PARD3B: variants seen among roughly 807,000 people sequenced by gnomAD.
PARD3B encodes partitioning defective 3 homolog B.
PARD3B carries 103 observed loss-of-function variants against 130.2 expected under a neutral mutation model. That is an observed-to-expected ratio of 0.79 (90% confidence interval 0.67 to 0.93). The LOEUF (loss-of-function observed/expected upper bound fraction) is 0.93. PARD3B is among the 40% of genes least tolerant of loss of function. The pLI is 0.00. For synonymous variants in PARD3B, 583 were observed against 553.2 expected, an observed-to-expected ratio of 1.05 and a Z score of -0.76; for missense variants, 1,609 against 1,499.2, an observed-to-expected ratio of 1.07 and a Z score of -1.21.
intron 1 of PARD3B, among the ~76,000 whole-genome samples, chr2:204,605,640 T>C (rs566134564): frequency 6.6e-6 from 1 of 152,206 alleles, no homozygotes; most frequent in African/African-American, 2.4e-5. Flanking sequence ...AGAGTGAGAC[T>C]CTCTGGGTTC....
intron 1 of PARD3B, among the ~76,000 whole-genome samples, chr2:204,612,936 A>G (rs137992829): frequency 2.0e-5 from 3 of 152,006 alleles, no homozygotes; most frequent in African/African-American, 2.4e-5. Context: ...CTCTCTTCCT[A>G]TGCATCCTGC....
At chr2:205,069,668 G>A (rs1313571222) in intron 4 of PARD3B, among the ~76,000 whole-genome samples, 1 of 152,004 alleles carries the variant, frequency 6.6e-6, no homozygotes, top group African/African-American at 2.4e-5. Context: ...CTTACCCTGG[G>A]TTGTCTGAAA....
chr2:205,233,221 T>C (rs898406607), intron 15 of PARD3B, among the ~76,000 whole-genome samples: 2 of 152,174 alleles, frequency 1.3e-5, no homozygotes, highest in Non-Finnish European at 2.9e-5. Flanking sequence ...TGTAACAGTA[T>C]CTTTAAAATA....
At chr2:205,489,328 GC>G (rs2049575303) in intron 20 of PARD3B, among the ~76,000 whole-genome samples, 1 of 151,864 alleles carries the variant, frequency 6.6e-6, no homozygotes, top group South Asian at 2.1e-4. Flanking sequence ...GGGGCTGGGT[GC>G]AGTGGCTTAC....
chr2:204,548,929 G>A (rs1220492454), intron 1 of PARD3B, among the ~76,000 whole-genome samples: 1 of 152,208 alleles, frequency 6.6e-6, no homozygotes, highest in African/African-American at 2.4e-5. Context: ...CTGAGGCACT[G>A]AGTAATGTAG....
rs1034481225 is a variant in PARD3B, at chr2:204,952,580, A to G, written c.223-12572A>G. Among the ~76,000 whole-genome samples, 16 of 152,376 alleles carry G rather than the reference A, an allele frequency of 1.1e-4. No individual in the cohort carries two copies. In the East Asian group the frequency reaches 1.5e-3, roughly 15 times the overall value. ...ATTTGCAAAAATAAAAGACAACTTC[A>G]GTATACTTAAAATAAAAAGTACTTA... On this transcript the variant is annotated intron_variant, in intron 2 of 22. Transcript: ENST00000406610.
At chr2:205,032,531 A>T (rs1697499631) in intron 3 of PARD3B, among the ~76,000 whole-genome samples, 1 of 152,164 alleles carries the variant, frequency 6.6e-6, no homozygotes, top group Non-Finnish European at 1.5e-5. Flanking sequence ...GTCTCTATAC[A>T]GGAAAGAATC....
intron 22 of PARD3B, among the ~76,000 whole-genome samples, chr2:205,559,805 G>A (rs112263651): frequency 0.039 from 5,979 of 151,990 alleles, 190 homozygotes; most frequent in Non-Finnish European, 0.059. Flanking sequence ...CACCATGTTG[G>A]CCAGGGTGGT....
At chr2:204,676,228 T>C (rs2036536111) in intron 1 of PARD3B, among the ~76,000 whole-genome samples, 1 of 152,106 alleles carries the variant, frequency 6.6e-6, no homozygotes, top group Non-Finnish European at 1.5e-5. Flanking sequence ...AGGCTTTTTT[T>C]TCCCCCCTAC....
At chr2:204,618,526 G>A (rs901830787) in intron 1 of PARD3B, among the ~76,000 whole-genome samples, 1 of 152,196 alleles carries the variant, frequency 6.6e-6, no homozygotes, top group South Asian at 2.1e-4. Flanking sequence ...AACAGTGACA[G>A]TGTCACCTGA....
In PARD3B at chr2:205,473,388, T is replaced by G. The variant is rs531010469; in HGVS notation, c.3045-26508T>G. Among the ~76,000 whole-genome samples the G allele has an allele frequency of 1.1e-4, 17 of 152,224 alleles. No homozygotes were observed. The South Asian group carries it at 3.5e-3, about 32-fold the overall frequency. ...GACAACCAACAAAGTAATGAGATTC[T>G]GTGTTATGGTAGCTGTCACATCTTG... On this transcript the variant is annotated intron_variant, in intron 20 of 22. Transcript: ENST00000406610. The surrounding 1 kb of genome is among the most constrained non-coding windows in gnomAD (Gnocchi z 4.9).
At chr2:205,581,204 A>C (rs1419560183) in intron 22 of PARD3B, among the ~76,000 whole-genome samples, 1 of 147,350 alleles carries the variant, frequency 6.8e-6, no homozygotes, top group Non-Finnish European at 1.5e-5. Context: ...CAACAAATAA[A>C]TGGATAAAGA....
intron 2 of PARD3B, among the ~76,000 whole-genome samples, chr2:204,802,433 C>T (rs779421803): frequency 5.3e-5 from 8 of 152,064 alleles, no homozygotes; most frequent in Non-Finnish European, 7.4e-5. Flanking sequence ...GACAGTGTGG[C>T]GATTCCTCAA....
chr2:204,812,557 G>A (rs558827782), intron 2 of PARD3B, among the ~76,000 whole-genome samples: 40 of 152,174 alleles, frequency 2.6e-4, no homozygotes, highest in African/African-American at 6.7e-4. Flanking sequence ...CCCTTGGAGC[G>A]GGCTGTCTGC....
intron 2 of PARD3B, among the ~76,000 whole-genome samples, chr2:204,770,942 C>T (rs187065519): frequency 1.7e-3 from 255 of 152,194 alleles, no homozygotes; most frequent in Non-Finnish European, 1.6e-3. Flanking sequence ...TAACAAATAA[C>T]TTGCAGATTG....
At chr2:204,790,410 C>A (rs1309754803) in intron 2 of PARD3B, among the ~76,000 whole-genome samples, 1 of 152,168 alleles carries the variant, frequency 6.6e-6, no homozygotes, top group African/African-American at 2.4e-5. Flanking sequence ...TTTTGATAAA[C>A]CAGCAAAATC....
chr2:205,568,111 G>A lies in PARD3B; in HGVS notation c.3260+14708G>A, dbSNP rs201191734. On this transcript the variant is annotated intron_variant, in intron 22 of 22. Coordinates refer to ENST00000406610, the MANE Select transcript of PARD3B (RefSeq NM_001302769.2). This position sits in a 1 kb window ranked among gnomAD's most constrained non-coding sequence, Gnocchi z 5.3. The stretch of plus-strand genomic sequence containing the variant: ...CAGCACAGATGCTTGGATAAGGACC[G>A]TAGTGGACAGAAGTGCTGCAGTGAT... Among the ~76,000 whole-genome samples, 31 of 152,330 alleles carry A rather than the reference G, an allele frequency of 2.0e-4. No individual in the cohort carries two copies. The East Asian group carries it at 3.5e-3, about 17-fold the overall frequency.
At chr2:204,680,541 T>G (rs1409049566) in intron 1 of PARD3B, among the ~76,000 whole-genome samples, 1 of 152,076 alleles carries the variant, frequency 6.6e-6, no homozygotes, top group Non-Finnish European at 1.5e-5. Flanking sequence ...TTTATTTCAT[T>G]GTTCTTTGCT....
At chr2:204,792,600 C>T (rs2042235985) in intron 2 of PARD3B, among the ~76,000 whole-genome samples, 1 of 152,000 alleles carries the variant, frequency 6.6e-6, no homozygotes, top group Admixed American at 6.6e-5. Flanking sequence ...TTTAGGACTT[C>T]CCAGCATTCT....
Sources: allele counts gnomAD v4.1 joint callset (sites outside exome capture counted in the v4.1 genomes callset), GRCh38; gene constraint gnomAD v4.1.1; non-coding constraint Gnocchi (gnomAD v3.1); transcripts MANE v1.5; gene names NCBI Gene and HGNC (gene_info 2026-07-23, HGNC 2026-07-21).